The following TTC34 variants were observed in gnomAD, a reference collection of about 807,000 sequenced individuals.
TTC34 encodes the protein tetratricopeptide repeat protein 34.
TTC34 carries 44 observed loss-of-function variants against 40.7 expected under a neutral mutation model. The observed-to-expected ratio is 1.08, with a 90% confidence interval of 0.85 to 1.39. The LOEUF (loss-of-function observed/expected upper bound fraction) is 1.39. Ranked by LOEUF, TTC34 falls within the 40% of genes most tolerant of loss-of-function variation. The pLI is 0.00. For missense variants in TTC34, 884 were observed against 838.0 expected, an observed-to-expected ratio of 1.05 and a Z score of -0.68; for synonymous variants, 422 against 398.6, an observed-to-expected ratio of 1.06 and a Z score of -0.70.
chr1:2,790,111 A>G, exon 3 of TTC34: 1 of 397,876 alleles, frequency 2.5e-6, no homozygotes, highest in South Asian at 1.3e-4. Context: ...CGCGGAGCTC[A>G]GGGTGGTTCC....
intron 6 of TTC34, among the ~76,000 whole-genome samples, chr1:2,683,498 G>C (rs1311327311): frequency 2.0e-5 from 1 of 51,208 alleles, no homozygotes; most frequent in African/African-American, 5.3e-5. Context: ...TGACAGCCTG[G>C]AACGGCACCC....
intron 6 of TTC34, among the ~76,000 whole-genome samples, chr1:2,773,445 G>A (rs1293569795): frequency 8.4e-5 from 3 of 35,766 alleles, no homozygotes; most frequent in Non-Finnish European, 1.3e-4. Flanking sequence ...ACAGCCTGGA[G>A]CAGCGCCCAC....
intron 6 of TTC34, among the ~76,000 whole-genome samples, chr1:2,656,136 C>T (rs1371160212): frequency 6.6e-6 from 1 of 152,394 alleles, no homozygotes; most frequent in East Asian, 1.9e-4. Context: ...AACCCACAGC[C>T]CCAGGTGAGC....
At chr1:2,788,231 A>G (rs974461307) in intron 3 of TTC34, among the ~76,000 whole-genome samples, 4 of 152,206 alleles carry the variant, frequency 2.6e-5, no homozygotes, top group Non-Finnish European at 5.9e-5. Context: ...CGCAAATTAA[A>G]CACCCAGAAG....
At chr1:2,699,811 T>A (rs1308155586) in intron 6 of TTC34, among the ~76,000 whole-genome samples, 5 of 23,822 alleles carry the variant, frequency 2.1e-4, no homozygotes, top group Non-Finnish European at 4.1e-4. Flanking sequence ...CATCACATAC[T>A]CCCCCAGGTG....
chr1:2,652,720 C>G (rs2100218066), intron 6 of TTC34, among the ~76,000 whole-genome samples: 1 of 151,846 alleles, frequency 6.6e-6, no homozygotes, highest in Admixed American at 6.6e-5. Context: ...GGAGGAGCAC[C>G]CACACCCCCA....
chr1:2,692,522 A>C (rs1366868371), intron 6 of TTC34, among the ~76,000 whole-genome samples: 1 of 111,898 alleles, frequency 8.9e-6, no homozygotes, highest in Non-Finnish European at 1.9e-5. Flanking sequence ...TGTGCACGTG[A>C]CAGCTTGGAT....
chr1:2,790,128 CT>C lies in TTC34; in HGVS notation c.1002del (p.Ala335ProfsTer20), dbSNP rs561851131. The stretch of plus-strand genomic sequence containing the variant: ...CGGAGCTCAGGGTGGTTCCGCACGG[CT>C]TCCTGGAAGCGGGCGAAGCCCACGT... On this transcript the variant is annotated frameshift_variant, in exon 3 of 9. Transcript: ENST00000401095. LOFTEE classifies it high-confidence loss of function. The C allele has an allele frequency of 2.5e-6, 1 of 398,280 alleles. No homozygotes were observed. The highest frequency in any genetic ancestry group is 4.4e-6 in the Non-Finnish European group (1 of 225,800). 24.7% of individuals were successfully genotyped at this position (398,280 alleles called of 1,614,324 possible). A position where few individuals can be genotyped will look rare whatever the true frequency, so the allele number is the denominator to read the frequency against.
At chr1:2,768,658 C>T (rs1193023471) in intron 6 of TTC34, among the ~76,000 whole-genome samples, 1 of 151,602 alleles carries the variant, frequency 6.6e-6, no homozygotes, top group Non-Finnish European at 1.5e-5. Flanking sequence ...CAGCAGCTCA[C>T]ATCCCCAGGT....
At position 2,775,992 on chromosome 1, in the gene TTC34, C is replaced by T. The variant is rs1304952078; in HGVS notation, c.2226+7617G>A. 5.8e-4 allele frequency: 67 copies of T among 114,756 alleles called. 1 individual carries two copies. Among genetic ancestry groups the T allele is most frequent in the African/African-American group, 2.8e-3 (60 of 21,690 alleles). The allele number at this position is 114,756 out of a possible 1,614,324, so 7.1% of individuals were successfully genotyped here. ...TGCTCACCTGGGGACGCGTGGAAAA[C>T]CATGCCCACCACAAGGTGAGCATAT... On this transcript the variant is annotated intron_variant, in intron 6 of 8. Transcript: ENST00000401095.
chr1:2,645,333 C>T lies in TTC34; in HGVS notation c.2457G>A (p.Pro819=), dbSNP rs896323500. Residue 819 remains proline, a synonymous_variant, in exon 7 of 9, where the codon CCG becomes CCA. Transcript: ENST00000401095. The surrounding 1 kb of genome is among the most constrained non-coding windows in gnomAD (Gnocchi z 4.7). ...TGTCTGCCAGGAGGAGGTGCCAGTG[C>T]GGTTGCCCTGAGTCGATTTTGATCA... is the stretch of plus-strand genomic sequence containing the variant. The T allele has an allele frequency of 1.8e-5, 27 of 1,518,972 alleles. No individual in the cohort carries two copies. The highest frequency in any genetic ancestry group is 1.7e-4 in the Middle Eastern group (1 of 5,914). The allele number at this position is 1,518,972 out of a possible 1,614,324, so 94.1% of individuals were successfully genotyped here. A position where few individuals can be genotyped will look rare whatever the true frequency, so the allele number is the denominator to read the frequency against.
chr1:2,655,567 T>C (rs1227884780), intron 6 of TTC34, among the ~76,000 whole-genome samples: 4 of 90,354 alleles, frequency 4.4e-5, no homozygotes, highest in African/African-American at 1.7e-4. Context: ...GCAACAGCTC[T>C]CACAACCCCA....
intron 6 of TTC34, among the ~76,000 whole-genome samples, chr1:2,698,292 G>A (rs74713360): frequency 1.4e-5 from 1 of 71,332 alleles, no homozygotes; most frequent in Middle Eastern, 7.8e-3. Flanking sequence ...TGCACCCCCG[G>A]TGCGCACGTG....
intron 6 of TTC34, chr1:2,774,948 C>T (rs1340950356): frequency 1.0e-5 from 1 of 99,230 alleles, no homozygotes; most frequent in Admixed American, 1.1e-4. Flanking sequence ...CCCCACTCTT[C>T]CAGGTGAGAA....
chr1:2,656,356 G>C (rs1210398623), intron 6 of TTC34, among the ~76,000 whole-genome samples: 81 of 133,890 alleles, frequency 6.0e-4, no homozygotes, highest in South Asian at 9.9e-4. Flanking sequence ...GCATCTGACA[G>C]CCTGGAACAG....
rs1043839762 is a variant in TTC34, at chr1:2,682,051, G to C, written c.2227-36488C>G. Among the ~76,000 whole-genome samples the C allele has an allele frequency of 1.6e-5, 2 of 126,962 alleles. 1 individual carries two copies. Among genetic ancestry groups the C allele is most frequent in the African/African-American group, 6.4e-5 (2 of 31,378 alleles). The allele number at this position is 126,962 out of a possible 152,430, so 83.3% of individuals were successfully genotyped here. On this transcript the variant is annotated intron_variant, in intron 6 of 8. Transcript: ENST00000401095. ...CCACAGGTGAGCATCTGACATTGTG[G>C]AGCAGCACCCCACACCCACAGGTGA...
Position 2,759,886 on chromosome 1 carries a change from GGTGAGCATCTGACAGCCTGGAACAT to G in TTC34, c.2226+23698_2226+23722del, listed in dbSNP as rs1641637656. ...CCTGGAGTAGTATCCTGCACCCTCAGGTGAGCATCTGACAGCCTGGAACATCACCCTGCACCCCCAGGTGAGCATC... is the reference window on the plus strand; with the variant it reads ...CCTGGAGTAGTATCCTGCACCCTCAGCACCCTGCACCCCCAGGTGAGCATC... On this transcript the variant is annotated intron_variant, in intron 6 of 8. Transcript: ENST00000401095. Among the ~76,000 whole-genome samples the G allele has an allele frequency of 3.3e-4, 48 of 147,674 alleles. 1 individual carries two copies. Among genetic ancestry groups the G allele is most frequent in the Admixed American group, 5.3e-4 (8 of 15,064 alleles).
chr1:2,761,369 G>A (rs1321946443), intron 6 of TTC34, among the ~76,000 whole-genome samples: 1 of 66,362 alleles, frequency 1.5e-5, no homozygotes, highest in Non-Finnish European at 2.6e-5. Flanking sequence ...CACACCCCTA[G>A]GCGAGCATCC....
intron 6 of TTC34, among the ~76,000 whole-genome samples, chr1:2,690,058 CCG>C (rs1640545218): frequency 4.7e-5 from 3 of 64,248 alleles, no homozygotes; most frequent in East Asian, 6.6e-4. Flanking sequence ...AGCACCCACA[CCG>C]CCAGGCGAGC....
Sources: allele counts gnomAD v4.1 joint callset (sites outside exome capture counted in the v4.1 genomes callset), GRCh38; gene constraint gnomAD v4.1.1; non-coding constraint Gnocchi (gnomAD v3.1); transcripts MANE v1.5; gene names NCBI Gene and HGNC (gene_info 2026-07-23, HGNC 2026-07-21).